CEP85L: variants seen among roughly 807,000 people sequenced by gnomAD.
CEP85L encodes the protein centrosomal protein of 85 kDa-like.
In CEP85L, 60 loss-of-function variants were observed where a neutral mutation model predicts 100.3. The observed-to-expected ratio is 0.60, with a 90% confidence interval of 0.49 to 0.74. The LOEUF (loss-of-function observed/expected upper bound fraction) is 0.74, where lower values mean the gene tolerates loss of function less well. Ranked by LOEUF, CEP85L falls within the 30% of genes least tolerant of loss-of-function variation. The pLI, the probability that CEP85L is intolerant of heterozygous loss-of-function variation, is 0.00. For missense variants in CEP85L, 973 were observed against 936.2 expected (o/e 1.04, Z -0.51); for synonymous variants, 319 against 322.7 (o/e 0.99, Z 0.12).
At chr6:118,646,976 T>C (rs1775241920) in intron 1 of CEP85L, 3 of 985,284 alleles carry the variant, frequency 3.0e-6, no homozygotes, top group African/African-American at 1.7e-5. Flanking sequence ...ATTCCAATTA[T>C]TAATCAAGTT....
chr6:118,470,367 A>AT (rs1772857678), intron 11 of CEP85L, among the ~76,000 whole-genome samples, 170 bp downstream of exon 11: 1 of 151,494 alleles, frequency 6.6e-6, no homozygotes, highest in Non-Finnish European at 1.5e-5. Context: ...AAAACACAAA[A>AT]TAAATAAAGG....
At chr6:118,673,688 C>T (rs1285211752) in intron 1 of CEP85L, among the ~76,000 whole-genome samples, 1 of 152,152 alleles carries the variant, frequency 6.6e-6, no homozygotes, top group Non-Finnish European at 1.5e-5. Context: ...TTGACTGTAT[C>T]TAATATTTCA....
At chr6:118,575,222 C>T (rs1284910344) in intron 2 of CEP85L, among the ~76,000 whole-genome samples, 3 of 152,176 alleles carry the variant, frequency 2.0e-5, no homozygotes, top group African/African-American at 4.8e-5. Flanking sequence ...ATATAATTCC[C>T]TCTGATAGCT....
At chr6:118,586,045 C>T (rs967382024) in intron 2 of CEP85L, among the ~76,000 whole-genome samples, 1 of 152,104 alleles carries the variant, frequency 6.6e-6, no homozygotes, top group African/African-American at 2.4e-5. Context: ...ACAATGGGCC[C>T]TCATTTAAGG....
intron 1 of CEP85L, among the ~76,000 whole-genome samples, chr6:118,659,063 C>T (rs1261273779): frequency 6.6e-6 from 1 of 152,080 alleles, no homozygotes; most frequent in Non-Finnish European, 1.5e-5. Flanking sequence ...GTTTTTAAAA[C>T]CCTAGTAGAA....
intron 1 of CEP85L, among the ~76,000 whole-genome samples, chr6:118,664,173 G>T (rs904535676): frequency 2.0e-5 from 3 of 152,062 alleles, no homozygotes; most frequent in Non-Finnish European, 4.4e-5. Context: ...TGAGATCATG[G>T]TATAAGCCAC....
intron 3 of CEP85L, among the ~76,000 whole-genome samples, chr6:118,528,979 G>T (rs374495488): frequency 1.7e-4 from 26 of 152,312 alleles, no homozygotes; most frequent in African/African-American, 6.0e-4. Flanking sequence ...CTAGGTTCCA[G>T]TCTTGACAGA....
chr6:118,646,641 A>G (rs1488172212), intron 1 of CEP85L, among the ~76,000 whole-genome samples: 1 of 152,206 alleles, frequency 6.6e-6, no homozygotes, highest in Non-Finnish European at 1.5e-5. Context: ...AGCCTGGGTG[A>G]CAGAATGAGA....
intron 1 of CEP85L, among the ~76,000 whole-genome samples, chr6:118,674,173 T>C (rs1157612797): frequency 6.6e-6 from 1 of 152,160 alleles, no homozygotes; most frequent in East Asian, 1.9e-4. Context: ...CTTAAATAAA[T>C]TGTACTTCAT....
chr6:118,529,499 T>G (rs1020504726), intron 3 of CEP85L, among the ~76,000 whole-genome samples: 1 of 151,064 alleles, frequency 6.6e-6, no homozygotes, highest in African/African-American at 2.4e-5. Flanking sequence ...TCCCAGCTAC[T>G]CGGGAGGCTA....
At chr6:118,542,514 T>C (rs929803448) in intron 3 of CEP85L, among the ~76,000 whole-genome samples, 2 of 152,170 alleles carry the variant, frequency 1.3e-5, no homozygotes, top group African/African-American at 4.8e-5. Context: ...TCAGAACATT[T>C]GGGCTTCAAA....
chr6:118,494,044 G>A (rs557528614), intron 5 of CEP85L, among the ~76,000 whole-genome samples: 1 of 152,196 alleles, frequency 6.6e-6, no homozygotes, highest in South Asian at 2.1e-4. Context: ...GAGAAATGAG[G>A]TTACAGGGCA....
At chr6:118,496,158 T>C (rs775785992) in intron 5 of CEP85L, among the ~76,000 whole-genome samples, 6 of 152,112 alleles carry the variant, frequency 3.9e-5, no homozygotes, top group Non-Finnish European at 8.8e-5. Flanking sequence ...GTGTCACCCA[T>C]AGAGAAATGC....
intron 3 of CEP85L, among the ~76,000 whole-genome samples, chr6:118,564,009 T>G (rs1023245202): frequency 1.3e-5 from 2 of 152,174 alleles, no homozygotes; most frequent in African/African-American, 4.8e-5. Context: ...AATCAAGAAG[T>G]AGGGCTTTCC....
At position 118,565,598 on chromosome 6, in the gene CEP85L, A is replaced by C. The variant is rs963026358; in HGVS notation, c.951T>G (p.Ser317=). The C allele has an allele frequency of 6.2e-7, 1 of 1,614,088 alleles. No individual in the cohort carries two copies. Among genetic ancestry groups the C allele is most frequent in the Non-Finnish European group, 8.5e-7 (1 of 1,180,046 alleles). ...NPLEGRNTED[S]YSLAPWQQQQ... is the part of the protein sequence containing the mutation. ...GCTGTTGCCAAGGAGCTAAACTGTA[A>C]GAATCCTCTGTATTTCTACCTTCCA... is the stretch of plus-strand genomic sequence containing the variant. Residue 317 remains serine (S), a synonymous_variant, in exon 3 of 13, where the codon TCT becomes TCG. Coordinates refer to ENST00000368491, the MANE Select transcript of CEP85L (RefSeq NM_001042475.3).
intron 2 of CEP85L, among the ~76,000 whole-genome samples, chr6:118,605,738 C>T (rs979072179): frequency 6.6e-6 from 1 of 152,132 alleles, no homozygotes; most frequent in South Asian, 2.1e-4. Context: ...GACAGCTGGG[C>T]ACCATGGCTC....
At chr6:118,675,930 T>C (rs913086810) in intron 1 of CEP85L, among the ~76,000 whole-genome samples, 1 of 152,300 alleles carries the variant, frequency 6.6e-6, no homozygotes, top group East Asian at 1.9e-4. Context: ...ATAAAAGATT[T>C]CAAAGAGAAT....
At chr6:118,558,826 C>A in intron 3 of CEP85L, 1 of 821,128 alleles carries the variant, frequency 1.2e-6, no homozygotes, top group Non-Finnish European at 2.1e-6. Flanking sequence ...ACATTCCAGG[C>A]TACCTAAAAG....
chr6:118,527,011 T>TC (rs1410391169), intron 3 of CEP85L, among the ~76,000 whole-genome samples: 3 of 143,972 alleles, frequency 2.1e-5, no homozygotes, highest in Non-Finnish European at 4.6e-5. Context: ...TCTTTTTTTT[T>TC]TTTTTTTTTT....
Sources: gnomAD v4.1 joint callset for allele counts (sites outside exome capture counted in the v4.1 genomes callset) on GRCh38, gnomAD v4.1.1 for gene constraint, MANE v1.5 for transcripts, NCBI Gene and HGNC (gene_info 2026-07-23, HGNC 2026-07-21) for gene names.